Variants in TNFRSF10A observed in about 807,000 individuals in gnomAD.
The protein encoded by TNFRSF10A is TNF receptor superfamily member 10a, also known as tumor necrosis factor receptor superfamily member 10A.
Under a neutral mutation model 42.8 loss-of-function variants are expected in TNFRSF10A, and 44 were observed. The ratio of observed to expected loss-of-function variants is 1.03; its 90% CI spans 0.81 to 1.32. TNFRSF10A has a LOEUF of 1.32. TNFRSF10A is among the 40% of genes most tolerant of loss of function. The pLI, the probability that TNFRSF10A is intolerant of heterozygous loss-of-function variation, is 0.00. For missense variants in TNFRSF10A, 680 were observed against 602.0 expected, an observed-to-expected ratio of 1.13 and a Z score of -1.36; for synonymous variants, 259 against 234.2, an observed-to-expected ratio of 1.11 and a Z score of -0.97.
chr8:23,207,257 T>C, intron 2 of TNFRSF10A: 1 of 596,228 alleles, frequency 1.7e-6, no homozygotes. Context: ...ATGATGTTTA[T>C]GTGGCCAAGG....
intron 2 of TNFRSF10A, among the ~76,000 whole-genome samples, chr8:23,203,542 T>C (rs1378924353): frequency 6.6e-6 from 1 of 152,202 alleles, no homozygotes; most frequent in African/African-American, 2.4e-5. Flanking sequence ...GGCTCGACCT[T>C]CACCTCCAGG....
intron 1 of TNFRSF10A, among the ~76,000 whole-genome samples, chr8:23,223,869 G>C (rs1480221961): frequency 3.3e-5 from 5 of 152,338 alleles, no homozygotes; most frequent in East Asian, 3.9e-4. Context: ...TGCCTGCCTC[G>C]TGGTGGTCAA....
At chr8:23,217,752 C>T (rs1801204629) in intron 1 of TNFRSF10A, among the ~76,000 whole-genome samples, 1 of 152,088 alleles carries the variant, frequency 6.6e-6, no homozygotes, top group Non-Finnish European at 1.5e-5. Flanking sequence ...GAGGGCATGT[C>T]GGCGCCTGGT....
At chr8:23,208,832 A>G (rs1801054525) in intron 2 of TNFRSF10A, among the ~76,000 whole-genome samples, 1 of 152,162 alleles carries the variant, frequency 6.6e-6, no homozygotes, top group Admixed American at 6.5e-5. Flanking sequence ...AGAAAAGAAA[A>G]CCCATTTTCT....
chr8:23,199,121 G>T, intron 8 of TNFRSF10A, 145 bp downstream of exon 8: 2 of 905,914 alleles, frequency 2.2e-6, no homozygotes, highest in Non-Finnish European at 3.3e-6. Flanking sequence ...CTGTCCCCTT[G>T]TGAGGGTGGC....
chr8:23,212,049 T>C, intron 2 of TNFRSF10A, 67 bp downstream of exon 2: 3 of 1,365,160 alleles, frequency 2.2e-6, no homozygotes, highest in Non-Finnish European at 2.1e-6. Context: ...TTGAGATAAT[T>C]TTTGTATATA....
chr8:23,224,215 G>C (rs1394691811), intron 1 of TNFRSF10A, among the ~76,000 whole-genome samples: 1 of 147,868 alleles, frequency 6.8e-6, no homozygotes, highest in Non-Finnish European at 1.5e-5. Context: ...CAGGAGAATC[G>C]CTTGAACCAG....
At chr8:23,199,560 G>A in intron 7 of TNFRSF10A, 112 bp from the exon 8 acceptor site, 1 of 1,335,418 alleles carries the variant, frequency 7.5e-7, no homozygotes, top group Non-Finnish European at 1.0e-6. Flanking sequence ...GTCACTCCAG[G>A]AAGTCCATGC....
intron 2 of TNFRSF10A, chr8:23,207,339 G>C (rs777551577): frequency 4.9e-5 from 29 of 590,132 alleles, no homozygotes; most frequent in African/African-American, 9.3e-5. Flanking sequence ...ACCATGTCTT[G>C]GATGTTGCCA....
At chr8:23,199,846 G>C (rs1311872391) in intron 7 of TNFRSF10A, 40 bp downstream of exon 7, 2 of 1,614,130 alleles carry the variant, frequency 1.2e-6, no homozygotes, top group Non-Finnish European at 1.7e-6. Flanking sequence ...AGCAGTTCCT[G>C]AGCCCCTGAT....
intron 2 of TNFRSF10A, chr8:23,207,003 GAA>G: frequency 2.5e-6 from 1 of 398,774 alleles, no homozygotes; most frequent in Non-Finnish European, 4.8e-6. Flanking sequence ...AGGCAGTGTA[GAA>G]AGGTGTCCAC....
At chr8:23,221,301 G>C (rs1305134903) in intron 1 of TNFRSF10A, among the ~76,000 whole-genome samples, 1 of 152,218 alleles carries the variant, frequency 6.6e-6, no homozygotes, top group Non-Finnish European at 1.5e-5. Context: ...TAGTTTATAG[G>C]AAGGAGCTGG....
chr8:23,215,055 C>T (rs187750703), intron 1 of TNFRSF10A, among the ~76,000 whole-genome samples: 19 of 152,150 alleles, frequency 1.2e-4, no homozygotes, highest in Non-Finnish European at 8.8e-5. Context: ...TGTGGTTATA[C>T]GGGAGAATGT....
chr8:23,212,785 C>A (rs1801108806), intron 1 of TNFRSF10A, among the ~76,000 whole-genome samples: 1 of 152,078 alleles, frequency 6.6e-6, no homozygotes. Flanking sequence ...ATTTGGAGGC[C>A]ACATATGAAA....
At chr8:23,216,292 C>T (rs1801179369) in intron 1 of TNFRSF10A, among the ~76,000 whole-genome samples, 1 of 152,032 alleles carries the variant, frequency 6.6e-6, no homozygotes, top group Non-Finnish European at 1.5e-5. Flanking sequence ...TAATGCACAC[C>T]TCTGAGTCAT....
chr8:23,191,857 C>A lies in TNFRSF10A; in HGVS notation c.1244G>T (p.Trp415Leu). The A allele has an allele frequency of 1.9e-6, 3 of 1,613,570 alleles. No homozygotes were observed. Among genetic ancestry groups the A allele is most frequent in the Non-Finnish European group, 2.5e-6 (3 of 1,179,792 alleles). ...GDALYAMLMKWVNKTGRNASI... is the reference protein window; with the variant it reads ...GDALYAMLMKLVNKTGRNASI... The stretch of plus-strand genomic sequence containing the variant: ...GGCGTTCCGTCCAGTTTTGTTGACC[C>A]ATTTCATCAGCATTGCATACAAGGC... Residue 415 changes from tryptophan to leucine, a missense_variant, in exon 10 of 10, where the codon TGG becomes TTG. By Grantham distance (61) the Trp-to-Leu change is moderately conservative. Transcript: ENST00000221132.
At chr8:23,210,007 T>G (rs1029949974) in intron 2 of TNFRSF10A, among the ~76,000 whole-genome samples, 2 of 152,164 alleles carry the variant, frequency 1.3e-5, no homozygotes, top group African/African-American at 4.8e-5. Context: ...CAGGGGCAGG[T>G]CTTTCCCATG....
At chr8:23,210,966 A>G (rs1801084926) in intron 2 of TNFRSF10A, among the ~76,000 whole-genome samples, 1 of 152,224 alleles carries the variant, frequency 6.6e-6, no homozygotes, top group African/African-American at 2.4e-5. Context: ...CTAACATTAT[A>G]TTTAATGGTG....
intron 1 of TNFRSF10A, among the ~76,000 whole-genome samples, chr8:23,221,368 G>T (rs1160102211): frequency 6.6e-6 from 1 of 152,234 alleles, no homozygotes; most frequent in Non-Finnish European, 1.5e-5. Flanking sequence ...GCTGTCTTCA[G>T]CCTCCAATCT....
Sources: gnomAD v4.1 joint callset for allele counts (sites outside exome capture counted in the v4.1 genomes callset) on GRCh38, gnomAD v4.1.1 for gene constraint, MANE v1.5 for transcripts, NCBI Gene and HGNC (gene_info 2026-07-23, HGNC 2026-07-21) for gene names.